The following ZMAT4 variants were observed in gnomAD, a reference collection of about 807,000 sequenced individuals.
ZMAT4 encodes the protein zinc finger matrin-type protein 4.
A neutral mutation model predicts 28.7 loss-of-function variants in ZMAT4; 17 were observed. The ratio of observed to expected loss-of-function variants is 0.59; its 90% CI spans 0.41 to 0.89. The LOEUF (loss-of-function observed/expected upper bound fraction) is 0.89, where lower values mean the gene tolerates loss of function less well. Ranked by LOEUF, ZMAT4 falls within the 40% of genes least tolerant of loss-of-function variation. The pLI is 0.00. For synonymous variants in ZMAT4, 117 were observed against 109.2 expected (o/e 1.07, Z -0.44); for missense variants, 240 against 283.8 (o/e 0.85, Z 1.11).
rs1489586561 is a variant in ZMAT4, at chr8:40,881,528, CAG to C, written c.-5+16153_-5+16154del. On this transcript the variant is annotated intron_variant, in intron 1 of 6. Coordinates refer to ENST00000297737, the MANE Select transcript of ZMAT4 (RefSeq NM_024645.3). ...AAGGAAGGAAGGGGAGAGAGAGAGA[CAG>C]AAAGAAAGAAAGAAAGAAAGAAAGA... Among the ~76,000 whole-genome samples the C allele has an allele frequency of 1.7e-4, 9 of 51,930 alleles. 1 individual carries two copies. Among genetic ancestry groups the C allele is most frequent in the South Asian group, 8.1e-4 (1 of 1,236 alleles). 34.1% of individuals were successfully genotyped at this position (51,930 alleles called of 152,430 possible). A position where few individuals can be genotyped will look rare whatever the true frequency, so the allele number is the denominator to read the frequency against.
chr8:40,597,722 T>A (rs1805151488), intron 5 of ZMAT4, among the ~76,000 whole-genome samples: 2 of 152,228 alleles, frequency 1.3e-5, no homozygotes, highest in Admixed American at 6.5e-5. Context: ...GAGTGCTTGA[T>A]ACATATAGGT....
intron 1 of ZMAT4, among the ~76,000 whole-genome samples, chr8:40,828,883 C>T (rs535438551): frequency 7.9e-5 from 12 of 152,236 alleles, no homozygotes; most frequent in African/African-American, 2.4e-4. Flanking sequence ...TGCTCCCCTC[C>T]CCTGGTTTGT....
intron 2 of ZMAT4, among the ~76,000 whole-genome samples, chr8:40,781,734 C>G (rs538374532): frequency 8.5e-6 from 1 of 117,728 alleles, no homozygotes; most frequent in East Asian, 2.3e-4. Context: ...TGCACTCCAG[C>G]CTGGGCAACA....
intron 4 of ZMAT4, among the ~76,000 whole-genome samples, chr8:40,694,302 G>A (rs1277466355): frequency 1.3e-5 from 2 of 152,062 alleles, no homozygotes; most frequent in East Asian, 1.9e-4. Flanking sequence ...AGTGCCTCCT[G>A]GTCTTTCTCC....
intron 3 of ZMAT4, among the ~76,000 whole-genome samples, chr8:40,746,302 C>CCTTTCCT (rs1554549971): frequency 2.8e-5 from 2 of 70,486 alleles, no homozygotes; most frequent in African/African-American, 1.1e-4. Flanking sequence ...TTCTTTCTCC[C>CCTTTCCT]TTCCTTTCCT....
Position 40,674,695 on chromosome 8 carries a change from T to C in ZMAT4, c.577+9A>G. 1 of 1,610,470 alleles carries C rather than the reference T, an allele frequency of 6.2e-7. No individual in the cohort carries two copies. On this transcript the variant is annotated intron_variant, in intron 5 of 6. Transcript: ENST00000297737. ...GTTTTGTGGCAGAAGTGAGAAGAGCTGCCCTTACCTCTCAGTTCCCCCATA... is the reference window on the plus strand; with the variant it reads ...GTTTTGTGGCAGAAGTGAGAAGAGCCGCCCTTACCTCTCAGTTCCCCCATA...
At chr8:40,666,410 A>T (rs1352252272) in intron 5 of ZMAT4, among the ~76,000 whole-genome samples, 3 of 152,106 alleles carry the variant, frequency 2.0e-5, no homozygotes, top group African/African-American at 7.2e-5. Context: ...ATCTAGGCCA[A>T]CCTCATTTAT....
intron 2 of ZMAT4, among the ~76,000 whole-genome samples, chr8:40,817,707 AG>A (rs1815600276): frequency 6.6e-6 from 1 of 152,184 alleles, no homozygotes; most frequent in African/African-American, 2.4e-5. Context: ...CTCAACAGGG[AG>A]GCCCACTCCT....
chr8:40,866,254 G>A (rs1385103618), intron 1 of ZMAT4, among the ~76,000 whole-genome samples: 1 of 152,200 alleles, frequency 6.6e-6, no homozygotes, highest in Non-Finnish European at 1.5e-5. Context: ...GAATTGGTGG[G>A]CACAAGAGGA....
intron 3 of ZMAT4, among the ~76,000 whole-genome samples, chr8:40,718,264 G>A (rs1810937379): frequency 6.6e-6 from 1 of 152,236 alleles, no homozygotes; most frequent in Non-Finnish European, 1.5e-5. Flanking sequence ...GTCTGCGTCA[G>A]CAGTGTCACC....
chr8:40,788,066 G>A (rs1201686987), intron 2 of ZMAT4, among the ~76,000 whole-genome samples: 2 of 152,098 alleles, frequency 1.3e-5, no homozygotes, highest in Non-Finnish European at 2.9e-5. Flanking sequence ...AGCAAAAGCT[G>A]GTTGTCTGAG....
chr8:40,883,100 A>T (rs1303291477), intron 1 of ZMAT4, among the ~76,000 whole-genome samples: 3 of 152,144 alleles, frequency 2.0e-5, no homozygotes, highest in Non-Finnish European at 4.4e-5. Context: ...GGCTGTGCTG[A>T]TGGTGCACTG....
At chr8:40,724,383 G>A (rs1249352169) in intron 3 of ZMAT4, among the ~76,000 whole-genome samples, 1 of 152,162 alleles carries the variant, frequency 6.6e-6, no homozygotes, top group Non-Finnish European at 1.5e-5. Context: ...ATTGGCTTTC[G>A]GTTCAGTAGT....
intron 5 of ZMAT4, among the ~76,000 whole-genome samples, chr8:40,590,782 T>C (rs571069714): frequency 6.6e-6 from 1 of 152,140 alleles, no homozygotes; most frequent in South Asian, 2.1e-4. Context: ...TATCAATCAA[T>C]TCCCTTAAGA....
chr8:40,602,009 C>T (rs890610113), intron 5 of ZMAT4, among the ~76,000 whole-genome samples: 16 of 152,180 alleles, frequency 1.1e-4, no homozygotes, highest in Non-Finnish European at 2.4e-4. Context: ...TATTCTCCTT[C>T]TCCCCCTTCT....
intron 2 of ZMAT4, among the ~76,000 whole-genome samples, chr8:40,811,227 T>C (rs1815300567): frequency 6.6e-6 from 1 of 151,986 alleles, no homozygotes. Flanking sequence ...AGTTTGGAGG[T>C]AAAGTGTGTT....
chr8:40,836,761 G>C (rs1041602504), intron 1 of ZMAT4, among the ~76,000 whole-genome samples: 6 of 152,206 alleles, frequency 3.9e-5, no homozygotes, highest in African/African-American at 1.4e-4. Flanking sequence ...ATTGCCTTAG[G>C]TTGGGGAGAC....
chr8:40,577,945 A>G (rs1296614314), intron 6 of ZMAT4, among the ~76,000 whole-genome samples: 2 of 152,084 alleles, frequency 1.3e-5, no homozygotes, highest in Admixed American at 1.3e-4. Flanking sequence ...ATTAAAGAAG[A>G]TATAAACAAA....
At chr8:40,797,747 T>TGCC (rs1265331609) in intron 2 of ZMAT4, among the ~76,000 whole-genome samples, 1 of 152,194 alleles carries the variant, frequency 6.6e-6, no homozygotes, top group Admixed American at 6.5e-5. Flanking sequence ...ATGGAAATGT[T>TGCC]GCCACCAGTA....
Sources: allele counts gnomAD v4.1 joint callset (sites outside exome capture counted in the v4.1 genomes callset), GRCh38; gene constraint gnomAD v4.1.1; transcripts MANE v1.5; gene names NCBI Gene and HGNC (gene_info 2026-07-23, HGNC 2026-07-21).